The following GRIA4 variants were observed in gnomAD, a reference collection of about 807,000 sequenced individuals.
The protein encoded by GRIA4 is glutamate ionotropic receptor AMPA type subunit 4, also known as glutamate receptor 4.
GRIA4 carries 34 observed loss-of-function variants against 104.0 expected under a neutral mutation model. The ratio of observed to expected loss-of-function variants is 0.33; its 90% CI spans 0.25 to 0.44. GRIA4 has a LOEUF of 0.44. Ranked by LOEUF, GRIA4 falls within the 20% of genes least tolerant of loss-of-function variation. GRIA4 has a pLI of 1.00. For synonymous variants in GRIA4, 386 were observed against 381.9 expected (o/e 1.01, Z -0.13); for missense variants, 750 against 1,096.5 (o/e 0.68, Z 4.46).
At chr11:105,758,125 T>G (rs984340168) in intron 4 of GRIA4, among the ~76,000 whole-genome samples, 2 of 152,110 alleles carry the variant, frequency 1.3e-5, no homozygotes, top group Non-Finnish European at 2.9e-5. Context: ...GCACCTGTAG[T>G]CCTGGCTACT....
intron 13 of GRIA4, among the ~76,000 whole-genome samples, chr11:105,929,518 G>A (rs1016983174): frequency 1.3e-5 from 2 of 152,078 alleles, no homozygotes; most frequent in African/African-American, 4.8e-5. Flanking sequence ...TGCCAGCCTC[G>A]CTGTTTTGGT....
chr11:105,967,334 A>C (rs560682955), intron 14 of GRIA4, among the ~76,000 whole-genome samples: 1 of 152,302 alleles, frequency 6.6e-6, no homozygotes, highest in African/African-American at 2.4e-5. Context: ...TGTTAGAAAA[A>C]TCTATGTAAC....
intron 4 of GRIA4, among the ~76,000 whole-genome samples, chr11:105,800,455 T>A (rs1358719006): frequency 6.6e-6 from 1 of 152,096 alleles, no homozygotes. Flanking sequence ...TGATAATGTG[T>A]CAAGGTACCT....
intron 3 of GRIA4, among the ~76,000 whole-genome samples, chr11:105,630,700 A>G (rs1951013892): frequency 6.6e-6 from 1 of 152,200 alleles, no homozygotes; most frequent in African/African-American, 2.4e-5. Context: ...AAAAATGATT[A>G]ATAATTTTTT....
intron 3 of GRIA4, among the ~76,000 whole-genome samples, chr11:105,628,535 T>G (rs1190046862): frequency 6.6e-6 from 1 of 152,154 alleles, no homozygotes; most frequent in Non-Finnish European, 1.5e-5. Flanking sequence ...TTTCTCTCTT[T>G]GCTCGGCACT....
intron 4 of GRIA4, among the ~76,000 whole-genome samples, chr11:105,794,508 T>TATATAC (rs1942390795): frequency 4.1e-5 from 5 of 122,966 alleles, no homozygotes; most frequent in African/African-American, 6.6e-5. Context: ...TATATATATA[T>TATATAC]ATATACATAT....
chr11:105,970,811 G>C (rs374180706), intron 14 of GRIA4, among the ~76,000 whole-genome samples: 19 of 152,142 alleles, frequency 1.2e-4, no homozygotes, highest in African/African-American at 4.6e-4. Flanking sequence ...CAACAAAATG[G>C]TAACAACAAA....
At chr11:105,735,931 T>C (rs917844596) in intron 3 of GRIA4, among the ~76,000 whole-genome samples, 9 of 152,162 alleles carry the variant, frequency 5.9e-5, no homozygotes, top group Non-Finnish European at 1.2e-4. Context: ...TTTGGTAATA[T>C]ATGTGCAAAT....
At chr11:105,955,937 T>C (rs1948576621) in intron 14 of GRIA4, among the ~76,000 whole-genome samples, 1 of 152,192 alleles carries the variant, frequency 6.6e-6, no homozygotes, top group African/African-American at 2.4e-5. Flanking sequence ...GACGTGTCTG[T>C]TCATGTGCTT....
At chr11:105,675,020 T>C (rs1272573899) in intron 3 of GRIA4, among the ~76,000 whole-genome samples, 1 of 151,870 alleles carries the variant, frequency 6.6e-6, no homozygotes, top group Non-Finnish European at 1.5e-5. Flanking sequence ...TTTTAAGTAC[T>C]AAGAGAGCTC....
intron 4 of GRIA4, chr11:105,824,555 T>C (rs1428300554): frequency 1.3e-5 from 2 of 152,114 alleles, no homozygotes; most frequent in East Asian, 3.9e-4. Context: ...AGTTGAGCCA[T>C]GTAGAACAAC....
At position 105,715,207 on chromosome 11, in the gene GRIA4, T is replaced by C. The variant is rs143521212; in HGVS notation, c.248-37774T>C. Among the ~76,000 whole-genome samples, 155 of 152,342 alleles carry C rather than the reference T, an allele frequency of 1.0e-3. 2 individuals are homozygous for C. In the Middle Eastern group the frequency reaches 0.037, roughly 37 times the overall value. On this transcript the variant is annotated intron_variant, in intron 3 of 16. Coordinates refer to ENST00000282499, the MANE Select transcript of GRIA4 (RefSeq NM_000829.4). ...GAGTTGCCAATCATGACAATGGTCA[T>C]AATCAAAAGATGCTGTAACCATACT... is the stretch of plus-strand genomic sequence containing the variant.
intron 4 of GRIA4, among the ~76,000 whole-genome samples, chr11:105,790,436 C>T (rs530110918): frequency 6.6e-6 from 1 of 152,160 alleles, no homozygotes; most frequent in Admixed American, 6.5e-5. Flanking sequence ...CTTCAGACAA[C>T]AGTGGCAGGT....
intron 3 of GRIA4, among the ~76,000 whole-genome samples, chr11:105,700,172 A>G (rs1367433913): frequency 6.6e-6 from 1 of 152,244 alleles, no homozygotes; most frequent in Non-Finnish European, 1.5e-5. Context: ...TGGGACGGTG[A>G]CAAAACTCAC....
chr11:105,777,741 C>T (rs1415169203), intron 4 of GRIA4, among the ~76,000 whole-genome samples: 3 of 152,116 alleles, frequency 2.0e-5, no homozygotes, highest in Non-Finnish European at 4.4e-5. Flanking sequence ...AAGTGACAAC[C>T]GTTCATCTCA....
At chr11:105,945,425 G>A in intron 14 of GRIA4, 1 of 650,314 alleles carries the variant, frequency 1.5e-6, no homozygotes. Context: ...ACAAGACCAT[G>A]TTCTATTATT....
chr11:105,673,135 A>T (rs1176177523), intron 3 of GRIA4, among the ~76,000 whole-genome samples: 1 of 152,010 alleles, frequency 6.6e-6, no homozygotes, highest in Non-Finnish European at 1.5e-5. Flanking sequence ...ACTGCATGCT[A>T]CTTACCTCCA....
intron 3 of GRIA4, among the ~76,000 whole-genome samples, chr11:105,663,654 G>T (rs1440013789): frequency 6.6e-6 from 1 of 151,808 alleles, no homozygotes; most frequent in African/African-American, 2.4e-5. Context: ...CAGGGAGAAA[G>T]GTATTCCAGC....
At chr11:105,764,945 CAT>C (rs1243405317) in intron 4 of GRIA4, among the ~76,000 whole-genome samples, 1 of 152,028 alleles carries the variant, frequency 6.6e-6, no homozygotes, top group African/African-American at 2.4e-5. Flanking sequence ...CAATTAAAGA[CAT>C]GTAGTTGTCA....
Sources: allele counts gnomAD v4.1 joint callset (sites outside exome capture counted in the v4.1 genomes callset), GRCh38; gene constraint gnomAD v4.1.1; transcripts MANE v1.5; gene names NCBI Gene and HGNC (gene_info 2026-07-23, HGNC 2026-07-21).